The following CNTN5 variants were observed in gnomAD, a reference collection of about 807,000 sequenced individuals.
The protein encoded by CNTN5 is contactin-5.
In CNTN5, 77 loss-of-function variants were observed where a neutral mutation model predicts 129.1. The observed-to-expected ratio is 0.60, with a 90% CI of 0.50 to 0.72. The LOEUF (loss-of-function observed/expected upper bound fraction) is 0.72, where lower values mean the gene tolerates loss of function less well. CNTN5 is among the 30% of genes least tolerant of loss of function. The pLI is 0.00. For missense variants in CNTN5, 1,478 were observed against 1,328.8 expected, an observed-to-expected ratio of 1.11 and a Z score of -1.75; for synonymous variants, 509 against 465.6, an observed-to-expected ratio of 1.09 and a Z score of -1.20.
At chr11:99,151,610 G>A (rs1323137162) in intron 1 of CNTN5, among the ~76,000 whole-genome samples, 3 of 152,040 alleles carry the variant, frequency 2.0e-5, no homozygotes, top group Non-Finnish European at 4.4e-5. Flanking sequence ...ATGACAAGGT[G>A]TTATTATTTT....
intron 9 of CNTN5, among the ~76,000 whole-genome samples, chr11:100,017,213 CA>C (rs1019669912): frequency 5.3e-5 from 8 of 152,016 alleles, no homozygotes; most frequent in African/African-American, 1.9e-4. Flanking sequence ...GCCTTCACAA[CA>C]TTTCCAAAAG....
At chr11:100,062,017 C>A (rs966126241) in intron 10 of CNTN5, among the ~76,000 whole-genome samples, 8 of 152,286 alleles carry the variant, frequency 5.3e-5, no homozygotes, top group Admixed American at 2.6e-4. Flanking sequence ...GCCAGTCAAC[C>A]AGGTTGTGTC....
chr11:99,443,923 T>G (rs1591067023), intron 2 of CNTN5, among the ~76,000 whole-genome samples: 1 of 152,026 alleles, frequency 6.6e-6, no homozygotes. Flanking sequence ...TATAGGTGGG[T>G]GCCGTGGCTC....
At chr11:99,094,572 C>T (rs1392007079) in intron 1 of CNTN5, among the ~76,000 whole-genome samples, 1 of 151,798 alleles carries the variant, frequency 6.6e-6, no homozygotes, top group Non-Finnish European at 1.5e-5. Flanking sequence ...TAAGACAGCG[C>T]TAACATGTGG....
intron 15 of CNTN5, among the ~76,000 whole-genome samples, chr11:100,206,070 C>T (rs1489525994): frequency 6.7e-6 from 1 of 150,254 alleles, no homozygotes; most frequent in Non-Finnish European, 1.5e-5. Context: ...GAGGAACATA[C>T]ATATAGAGAT....
At chr11:99,042,670 C>T (rs572703839) in intron 1 of CNTN5, among the ~76,000 whole-genome samples, 3 of 152,006 alleles carry the variant, frequency 2.0e-5, no homozygotes, top group South Asian at 2.1e-4. Context: ...CCACCGCGCC[C>T]GGCCACCTCC....
At chr11:99,778,339 A>G (rs757255332) in intron 3 of CNTN5, among the ~76,000 whole-genome samples, 3 of 151,748 alleles carry the variant, frequency 2.0e-5, no homozygotes, top group Non-Finnish European at 4.4e-5. Context: ...GGTCTATGAC[A>G]TCACCTTACT....
chr11:99,784,786 T>C (rs900706488), intron 3 of CNTN5, among the ~76,000 whole-genome samples: 2 of 145,956 alleles, frequency 1.4e-5, no homozygotes, highest in Non-Finnish European at 3.0e-5. Context: ...TGAGATGGTA[T>C]CTCATTGTGT....
chr11:99,217,187 T>G (rs1014008536), intron 1 of CNTN5, among the ~76,000 whole-genome samples: 1 of 151,704 alleles, frequency 6.6e-6, no homozygotes, highest in South Asian at 2.1e-4. Context: ...CTCAAATAAA[T>G]ACATAAATAA....
intron 3 of CNTN5, among the ~76,000 whole-genome samples, chr11:99,599,108 T>G (rs1158439183): frequency 6.6e-6 from 1 of 152,030 alleles, no homozygotes; most frequent in Non-Finnish European, 1.5e-5. Flanking sequence ...TTTAAAGCAG[T>G]GAAATATTGT....
At chr11:99,448,586 T>TC (rs1944165718) in intron 2 of CNTN5, among the ~76,000 whole-genome samples, 1 of 151,528 alleles carries the variant, frequency 6.6e-6, no homozygotes, top group East Asian at 1.9e-4. Flanking sequence ...CAAGAGTAAA[T>TC]CCCTACCCTA....
intron 2 of CNTN5, among the ~76,000 whole-genome samples, chr11:99,441,603 T>C (rs900700346): frequency 6.6e-6 from 1 of 152,192 alleles, no homozygotes; most frequent in Non-Finnish European, 1.5e-5. Flanking sequence ...CCCTTTTTCA[T>C]TGATGATTGG....
chr11:99,695,613 C>A (rs1029583634), intron 3 of CNTN5, among the ~76,000 whole-genome samples: 1 of 151,940 alleles, frequency 6.6e-6, no homozygotes, highest in African/African-American at 2.4e-5. Flanking sequence ...AAGGGCCAGG[C>A]ACGGTGGCTG....
intron 6 of CNTN5, among the ~76,000 whole-genome samples, chr11:99,897,485 G>A (rs1038628957): frequency 6.6e-6 from 1 of 151,762 alleles, no homozygotes; most frequent in Admixed American, 6.6e-5. Context: ...AGAGGTTGGT[G>A]TTGTATTTTT....
intron 2 of CNTN5, among the ~76,000 whole-genome samples, chr11:99,419,323 T>A (rs541712813): frequency 6.6e-6 from 1 of 152,192 alleles, no homozygotes; most frequent in African/African-American, 2.4e-5. Flanking sequence ...GCTTGGGATA[T>A]GCTTGTCGGT....
intron 3 of CNTN5, among the ~76,000 whole-genome samples, chr11:99,701,331 G>T (rs1240464761): frequency 6.6e-6 from 1 of 151,066 alleles, no homozygotes. Flanking sequence ...TAGGAAAAAA[G>T]TAGTTATTTT....
chr11:99,878,204 T>C (rs1948682782), intron 6 of CNTN5, among the ~76,000 whole-genome samples: 1 of 152,216 alleles, frequency 6.6e-6, no homozygotes, highest in Non-Finnish European at 1.5e-5. Flanking sequence ...TTTTCTAACA[T>C]GACAGAATTG....
At chr11:99,044,732 C>T (rs1864138205) in intron 1 of CNTN5, among the ~76,000 whole-genome samples, 1 of 152,084 alleles carries the variant, frequency 6.6e-6, no homozygotes, top group Admixed American at 6.5e-5. Flanking sequence ...AGAGAAAAGC[C>T]AAAGCAGGGT....
intron 1 of CNTN5, among the ~76,000 whole-genome samples, chr11:99,221,046 C>T (rs922191140): frequency 2.6e-5 from 4 of 151,868 alleles, no homozygotes; most frequent in African/African-American, 9.7e-5. Flanking sequence ...AAATGTTCTT[C>T]TCTGAGTGAG....
Sources: allele counts gnomAD v4.1 joint callset (sites outside exome capture counted in the v4.1 genomes callset), GRCh38; gene constraint gnomAD v4.1.1; transcripts MANE v1.5; gene names NCBI Gene and HGNC (gene_info 2026-07-23, HGNC 2026-07-21).